NEB: variants seen among roughly 807,000 people sequenced by gnomAD.
NEB encodes the protein nemaline myopathy type 2.
A neutral mutation model predicts 952.2 loss-of-function variants in NEB; 512 were observed. That is an observed-to-expected ratio of 0.54 (90% CI 0.50 to 0.58). The LOEUF (loss-of-function observed/expected upper bound fraction) is 0.58, where lower values mean the gene tolerates loss of function less well. Ranked by LOEUF, NEB falls within the 20% of genes least tolerant of loss-of-function variation. The probability of loss-of-function intolerance (pLI) is 0.00; values close to 1 mark genes in which losing one functional copy is unlikely to be tolerated. For synonymous variants in NEB, 2,900 were observed against 3,149.8 expected (o/e 0.92, Z 2.66); for missense variants, 8,428 against 9,231.1 (o/e 0.91, Z 3.56).
intron 54 of NEB, among the ~76,000 whole-genome samples, chr2:151,649,212 C>T (rs1027401955): frequency 6.6e-6 from 1 of 152,106 alleles, no homozygotes; most frequent in African/African-American, 2.4e-5. Context: ...AATGCTTAAA[C>T]ATTCATAATG....
In NEB at chr2:151,491,854, A is replaced by C. The variant is rs924777908; in HGVS notation, c.25058-79T>G. On this transcript the variant is annotated intron_variant, in intron 178 of 181. Coordinates refer to ENST00000397345, the MANE Select transcript of NEB (RefSeq NM_001164508.2). ...TGAAAACCAAGGCATGAATTTTAAC[A>C]ACCACCAAAGGATTGAATCACACTT... 15 of 1,202,830 alleles carry C rather than the reference A, an allele frequency of 1.2e-5. 1 individual carries two copies. Among genetic ancestry groups the C allele is most frequent in the Middle Eastern group, 3.8e-4 (2 of 5,232 alleles). The allele number at this position is 1,202,830 out of a possible 1,614,324, so 74.5% of individuals were successfully genotyped here.
intron 138 of NEB, 141 bp from the exon 139 acceptor site, chr2:151,538,385 C>T: frequency 1.6e-6 from 1 of 634,512 alleles, no homozygotes; most frequent in Non-Finnish European, 2.7e-6. Flanking sequence ...ATTTCAGACC[C>T]TAGAAGAGAA....
intron 18 of NEB, 68 bp from the exon 19 acceptor site, chr2:151,694,697 T>G (rs538962069): frequency 8.5e-7 from 1 of 1,172,336 alleles, no homozygotes; most frequent in African/African-American, 1.5e-5. Flanking sequence ...TAAAGACTAG[T>G]GGGTAACTAA....
At chr2:151,576,747 C>T (rs1035029422) in intron 105 of NEB, among the ~76,000 whole-genome samples, 1 of 151,534 alleles carries the variant, frequency 6.6e-6, no homozygotes, top group Admixed American at 6.6e-5. Flanking sequence ...GCTAGCCAGG[C>T]TGGTCTCAAA....
intron 141 of NEB, among the ~76,000 whole-genome samples, chr2:151,536,302 C>T (rs546045636): frequency 1.3e-5 from 2 of 152,120 alleles, no homozygotes; most frequent in South Asian, 2.1e-4. Context: ...AAAGTGGACA[C>T]GACGAAAACA....
chr2:151,609,936 A>G lies in NEB; in HGVS notation c.12203T>C (p.Leu4068Ser). 6.2e-7 allele frequency: 1 copy of G among 1,613,992 alleles called. No individual in the cohort carries two copies. The change falls in exon 81 of 182, where the codon TTG (leucine) becomes TCG (serine). Residue 4068 changes from leucine (L) to serine (S), a missense_variant. Transcript: ENST00000397345. ...CAAAGTCTGACATTTCTTGGCCAGC[A>G]AGATGCTTAACATGTCCACTGGGCT... is the stretch of plus-strand genomic sequence containing the variant. ...FSSPVDMLSI[L>S]LAKKCQTLVT...
In NEB at chr2:151,620,353, A is replaced by G. The variant is rs1388321874; in HGVS notation, c.10560+566T>C. ...TATATATATGTATGTGTGTGTATATATATATATATATATATATATATATAT... is the reference window on the plus strand; with the variant it reads ...TATATATATGTATGTGTGTGTATATGTATATATATATATATATATATATAT... On this transcript the variant is annotated intron_variant, in intron 72 of 181. Transcript: ENST00000397345. Among the ~76,000 whole-genome samples, 299 of 58,012 alleles carry G rather than the reference A, an allele frequency of 5.2e-3. 3 individuals are homozygous for G. The highest frequency in any genetic ancestry group is 0.014 in the African/African-American group (282 of 19,768). 38.1% of individuals were successfully genotyped at this position (58,012 alleles called of 152,430 possible). A position where few individuals can be genotyped will look rare whatever the true frequency, so the allele number is the denominator to read the frequency against.
intron 121 of NEB, 120 bp from the exon 122 acceptor site, chr2:151,561,432 C>T: frequency 1.4e-6 from 1 of 708,430 alleles, no homozygotes; most frequent in Non-Finnish European, 2.5e-6. Flanking sequence ...TCCTAACAAA[C>T]AGGCTGTCAT....
intron 133 of NEB, 26 bp downstream of exon 133, chr2:151,547,403 C>T: frequency 1.3e-6 from 2 of 1,539,406 alleles, no homozygotes; most frequent in South Asian, 2.4e-5. Context: ...AAGACTACTC[C>T]AGAAAGACCC....
intron 10 of NEB, among the ~76,000 whole-genome samples, chr2:151,713,436 A>G (rs1233251323): frequency 6.6e-6 from 1 of 152,120 alleles, no homozygotes; most frequent in Non-Finnish European, 1.5e-5. Flanking sequence ...ATCAATGGAA[A>G]TCTTTCCAAT....
chr2:151,557,874 T>G (rs752996600), intron 124 of NEB, among the ~76,000 whole-genome samples: 2 of 152,184 alleles, frequency 1.3e-5, no homozygotes, highest in Non-Finnish European at 2.9e-5. Flanking sequence ...TATCTCAAAA[T>G]AGTAAGAGCT....
rs1371784327 is a variant in NEB at position 151,553,975 on chromosome 2, C to T, written c.19479G>A (p.Val6493=). 1.2e-6 allele frequency: 2 copies of T among 1,613,818 alleles called. No homozygotes were observed. The highest frequency in any genetic ancestry group is 1.7e-5 in the Admixed American group (1 of 60,014). Residue 6493 remains valine, a synonymous_variant, in exon 126 of 182, where the codon GTG becomes GTA. Coordinates refer to ENST00000397345, the MANE Select transcript of NEB (RefSeq NM_001164508.2). ...YEKNKMKIHI[V]PDMVEMVTAK... ...CAGTAACCATCTCTACCATGTCGGG[C>T]ACGATGTGGATTTTCATCTTGTTCT...
rs764261051 is a variant in NEB at position 151,627,746 on chromosome 2, A to G, written c.9920T>C (p.Met3307Thr). 7 of 1,613,968 alleles carry G rather than the reference A, an allele frequency of 4.3e-6. No individual in the cohort carries two copies. The highest frequency in any genetic ancestry group is 5.9e-6 in the Non-Finnish European group (7 of 1,179,876). Residue 3307 changes from methionine to threonine, a missense_variant, in exon 69 of 182, where the codon ATG becomes ACG. By Grantham distance (81) the Met-to-Thr change is moderately conservative. Coordinates refer to ENST00000397345, the MANE Select transcript of NEB (RefSeq NM_001164508.2). ...GTCACTCTGGATCTTGGCCACATGC[A>G]TGGACCACATCATCTTGGGGTCATC... ...IEDDPKMMWS[M>T]HVAKIQSDRE...
At position 151,583,715 on chromosome 2, in the gene NEB, G is replaced by A. The variant is rs1346076883; in HGVS notation, c.15715C>T (p.Arg5239Cys). 6.1e-5 allele frequency: 27 copies of A among 439,868 alleles called. 3 individuals carry two copies. The highest frequency in any genetic ancestry group is 4.5e-4 in the African/African-American group (10 of 22,084). The allele number at this position is 439,868 out of a possible 1,614,324, so 27.2% of individuals were successfully genotyped here. The change falls in exon 101 of 182, where the codon CGC becomes TGC. Residue 5239 changes from arginine (R) to cysteine (C), a missense_variant. Around this residue, in one of 11 missense-constraint regions of NEB, gnomAD observed 40 missense variants for 61.2 expected, o/e 0.65. Transcript: ENST00000397345. ...GACTTGGGGTCATCTTGTAGGGTGC[G>A]GAAACCCATGTGGTGGCCCAGTTGC... Reference protein sequence around the residue: ...RKQLGHHMGFRTLQDDPKSVW... With the variant: ...RKQLGHHMGFCTLQDDPKSVW...
At chr2:151,646,332 T>C in intron 54 of NEB, 98 bp from the exon 55 acceptor site, 1 of 877,588 alleles carries the variant, frequency 1.1e-6, no homozygotes, top group Middle Eastern at 2.8e-4. Context: ...GAATTAAACA[T>C]TATACAGAAT....
chr2:151,680,139 CTT>C, intron 30 of NEB, 117 bp from the exon 31 acceptor site: 4 of 767,236 alleles, frequency 5.2e-6, no homozygotes, highest in South Asian at 1.7e-5. Context: ...GAAGGACACT[CTT>C]TGTGCATTTG....
intron 13 of NEB, among the ~76,000 whole-genome samples, chr2:151,698,447 G>A (rs1340764518): frequency 6.6e-6 from 1 of 151,822 alleles, no homozygotes; most frequent in African/African-American, 2.4e-5. Flanking sequence ...TATGGTTGGG[G>A]GGATTAAAAA....
intron 143 of NEB, chr2:151,532,231 T>G (rs1190846013): frequency 4.4e-6 from 1 of 227,536 alleles, no homozygotes; most frequent in Non-Finnish European, 8.7e-6. Flanking sequence ...CAAGTTCCAA[T>G]ATGTTTTATA....
chr2:151,696,821 C>T, intron 16 of NEB, 86 bp from the exon 17 acceptor site: 1 of 905,928 alleles, frequency 1.1e-6, no homozygotes, highest in South Asian at 1.5e-5. Flanking sequence ...GAACCTCATG[C>T]CCCACAAAGC....
Sources: gnomAD v4.1 joint callset for allele counts (sites outside exome capture counted in the v4.1 genomes callset) on GRCh38, gnomAD v4.1.1 for gene constraint, gnomAD v4.1.1 regional missense constraint, MANE v1.5 for transcripts, NCBI Gene and HGNC (gene_info 2026-07-23, HGNC 2026-07-21) for gene names.